Variants in CTNNA3 observed in about 807,000 individuals in gnomAD.
The protein encoded by CTNNA3 is catenin alpha-3.
A neutral mutation model predicts 95.7 loss-of-function variants in CTNNA3; 76 were observed. The observed-to-expected ratio is 0.79, with a 90% confidence interval of 0.66 to 0.96. The LOEUF (loss-of-function observed/expected upper bound fraction) is 0.96. Ranked by LOEUF, CTNNA3 falls within the 40% of genes least tolerant of loss-of-function variation. CTNNA3 has a pLI of 0.00. For synonymous variants in CTNNA3, 431 were observed against 374.4 expected (o/e 1.15, Z -1.74); for missense variants, 1,191 against 1,089.8 (o/e 1.09, Z -1.31).
chr10:66,360,784 T>TTCCTTCCTTC (rs1564897074), intron 12 of CTNNA3, among the ~76,000 whole-genome samples: 13 of 52,804 alleles, frequency 2.5e-4, no homozygotes, highest in African/African-American at 7.8e-4. Context: ...TTTCTTTCTT[T>TTCCTTCCTTC]CTTCCTTCCT....
chr10:66,457,471 C>T (rs57014556), intron 11 of CTNNA3, among the ~76,000 whole-genome samples: 1 of 151,980 alleles, frequency 6.6e-6, no homozygotes, highest in African/African-American at 2.4e-5. Flanking sequence ...CTTGTTTACA[C>T]TTCCCATATG....
intron 7 of CTNNA3, among the ~76,000 whole-genome samples, chr10:67,134,091 T>C (rs959068839): frequency 2.6e-5 from 4 of 152,142 alleles, no homozygotes; most frequent in African/African-American, 9.7e-5. Context: ...AACTCTAGCC[T>C]GTGTAATTCC....
At chr10:66,302,642 A>C (rs1337487221) in intron 12 of CTNNA3, among the ~76,000 whole-genome samples, 1 of 152,126 alleles carries the variant, frequency 6.6e-6, no homozygotes, top group African/African-American at 2.4e-5. Flanking sequence ...TGACAAATAT[A>C]CCATGATAAT....
intron 7 of CTNNA3, among the ~76,000 whole-genome samples, chr10:67,076,189 A>T (rs149091089): frequency 1.2e-3 from 190 of 152,340 alleles, no homozygotes; most frequent in Non-Finnish European, 2.1e-3. Context: ...AGAGAGCTAC[A>T]ATTTTTCCAG....
intron 3 of CTNNA3, among the ~76,000 whole-genome samples, chr10:67,601,393 T>C (rs1258436879): frequency 1.3e-5 from 2 of 152,128 alleles, no homozygotes; most frequent in Non-Finnish European, 2.9e-5. Context: ...CTGTTCACAA[T>C]AGGGCTCACA....
At position 66,564,071 on chromosome 10, in the gene CTNNA3, C is replaced by A. The variant is rs564880007; in HGVS notation, c.1375-43298G>T. Among the ~76,000 whole-genome samples the A allele has an allele frequency of 2.0e-5, 3 of 152,210 alleles. No homozygotes were observed. The South Asian group carries it at 6.2e-4, about 32-fold the overall frequency. On this transcript the variant is annotated intron_variant, in intron 10 of 17. Transcript: ENST00000433211. ...GGCTGTGTCAAGGGCACCTCCTTAA[C>A]CTTGGCAAAACAAACTTTCTCCATT... is the stretch of plus-strand genomic sequence containing the variant.
intron 10 of CTNNA3, among the ~76,000 whole-genome samples, chr10:66,615,791 C>T (rs933305441): frequency 3.3e-5 from 5 of 151,814 alleles, no homozygotes; most frequent in African/African-American, 1.2e-4. Flanking sequence ...AGCAAATGTC[C>T]CTCTCAACTC....
At chr10:65,991,600 T>G (rs2078548016) in intron 15 of CTNNA3, among the ~76,000 whole-genome samples, 1 of 152,066 alleles carries the variant, frequency 6.6e-6, no homozygotes, top group Non-Finnish European at 1.5e-5. Context: ...TGTATGTTGA[T>G]TTAGTACTCT....
chr10:66,367,426 T>C (rs1355066612), intron 12 of CTNNA3, among the ~76,000 whole-genome samples: 3 of 151,356 alleles, frequency 2.0e-5, no homozygotes, highest in Admixed American at 6.6e-5. Flanking sequence ...ATTGACATGT[T>C]ATATATATAA....
At chr10:67,205,101 C>A (rs1319050746) in intron 6 of CTNNA3, among the ~76,000 whole-genome samples, 2 of 152,066 alleles carry the variant, frequency 1.3e-5, no homozygotes, top group Non-Finnish European at 2.9e-5. Flanking sequence ...ATTAGCTTTA[C>A]AAAGGCAGTT....
At chr10:67,060,440 C>T (rs1165800813) in intron 7 of CTNNA3, among the ~76,000 whole-genome samples, 1 of 152,132 alleles carries the variant, frequency 6.6e-6, no homozygotes, top group Non-Finnish European at 1.5e-5. Flanking sequence ...TTAATTTATA[C>T]TCAAGTACAT....
intron 5 of CTNNA3, among the ~76,000 whole-genome samples, chr10:67,458,096 G>A (rs568535485): frequency 1.0e-3 from 156 of 152,150 alleles, no homozygotes; most frequent in African/African-American, 3.7e-3. Context: ...CAGTTGGCAT[G>A]TAGCATGAGT....
At chr10:66,698,492 A>C (rs951010775) in intron 9 of CTNNA3, among the ~76,000 whole-genome samples, 2 of 152,126 alleles carry the variant, frequency 1.3e-5, no homozygotes, top group African/African-American at 4.8e-5. Flanking sequence ...GATTACAAAA[A>C]AATGTTAAGT....
intron 12 of CTNNA3, among the ~76,000 whole-genome samples, chr10:66,329,527 C>T (rs1403430161): frequency 6.6e-6 from 1 of 151,688 alleles, no homozygotes; most frequent in Non-Finnish European, 1.5e-5. Context: ...GCCTGGTACA[C>T]CAGTCTTCAG....
chr10:67,471,027 G>A (rs1199396335), intron 5 of CTNNA3, among the ~76,000 whole-genome samples: 2 of 151,760 alleles, frequency 1.3e-5, no homozygotes, highest in East Asian at 3.9e-4. Context: ...TGTCGGCCAG[G>A]CTACTCTCAA....
chr10:67,529,700 GA>G (rs1293410647), intron 4 of CTNNA3, among the ~76,000 whole-genome samples: 1 of 150,814 alleles, frequency 6.6e-6, no homozygotes, highest in East Asian at 1.9e-4. Context: ...ATATACGTTT[GA>G]AAAAAAAATT....
At chr10:67,065,208 G>T (rs928573574) in intron 7 of CTNNA3, among the ~76,000 whole-genome samples, 6 of 152,108 alleles carry the variant, frequency 3.9e-5, no homozygotes, top group African/African-American at 1.4e-4. Flanking sequence ...CACATATCGG[G>T]AGACACAGTT....
intron 7 of CTNNA3, among the ~76,000 whole-genome samples, chr10:67,033,543 T>C (rs1853862295): frequency 6.6e-6 from 1 of 152,234 alleles, no homozygotes; most frequent in African/African-American, 2.4e-5. Flanking sequence ...CATAGTTCAC[T>C]TCTACTACTT....
At position 66,927,734 on chromosome 10, in the gene CTNNA3, T is replaced by A. The variant is rs1298540926; in HGVS notation, c.1048-152210A>T. 6.2e-7 allele frequency: 1 copy of A among 1,614,134 alleles called. No homozygotes were observed. The stretch of plus-strand genomic sequence containing the variant: ...ATCGAAGCTTTCAGTGGACCCAGTG[T>A]TTTCCAGTGTGTCCCGAATCTGCAG... On this transcript the variant is annotated intron_variant, in intron 7 of 17. Transcript: ENST00000433211. This position sits in a 1 kb window ranked among gnomAD's most constrained non-coding sequence, Gnocchi z 4.7.
Sources: gnomAD v4.1 joint callset for allele counts (sites outside exome capture counted in the v4.1 genomes callset) on GRCh38, gnomAD v4.1.1 for gene constraint, Gnocchi (gnomAD v3.1) non-coding constraint, MANE v1.5 for transcripts, NCBI Gene and HGNC (gene_info 2026-07-23, HGNC 2026-07-21) for gene names.